The following RBFOX2 variants were observed in gnomAD, a reference collection of about 807,000 sequenced individuals.
RBFOX2 encodes RNA binding fox-1 homolog 2.
In RBFOX2, 10 loss-of-function variants were observed where a neutral mutation model predicts 49.1. The observed-to-expected ratio is 0.20, with a 90% confidence interval of 0.13 to 0.35. The LOEUF is 0.35. Among genes scored for constraint, RBFOX2 ranks in the 10% least tolerant of loss-of-function variants. The pLI is 1.00. For synonymous variants in RBFOX2, 183 were observed against 187.4 expected, an observed-to-expected ratio of 0.98 and a Z score of 0.19; for missense variants, 323 against 486.9, an observed-to-expected ratio of 0.66 and a Z score of 3.17.
At chr22:35,945,712 C>G (rs988625199) in intron 1 of RBFOX2, among the ~76,000 whole-genome samples, 1 of 152,144 alleles carries the variant, frequency 6.6e-6, no homozygotes, top group Non-Finnish European at 1.5e-5. Context: ...GCTGGGATTA[C>G]GGGAATAAGC....
In RBFOX2 at chr22:35,869,914, C is replaced by T. The variant is rs113540095; in HGVS notation, c.-33-59910G>A. On this transcript the variant is annotated intron_variant, in intron 1 of 13. Coordinates refer to the RBFOX2 transcript ENST00000359369. ...AAACTTTCATCAACCCAGAATAGCA[C>T]GTACAACCTACTTTCTGAAATGTTT... 4.8e-3 allele frequency among the ~76,000 whole-genome samples: 724 copies of T among 152,260 alleles called. 4 individuals carry two copies. The highest frequency in any genetic ancestry group is 0.016 in the African/African-American group (681 of 41,540).
chr22:35,943,943 T>G lies in RBFOX2; in HGVS notation c.43-5046A>C, dbSNP rs568239343. ...CTGCCAATGGACTGTGAATGTACAG[T>G]GGATACAGACAGAAGTGATACACAG... On this transcript the variant is annotated intron_variant, in intron 1 of 5. Coordinates refer to the RBFOX2 transcript ENST00000408983. Among the ~76,000 whole-genome samples, 15 of 152,362 alleles carry G rather than the reference T, an allele frequency of 9.8e-5. No individual in the cohort carries two copies. The South Asian group carries it at 2.3e-3, about 23-fold the overall frequency.
At chr22:35,895,096 C>T (rs2047682920) in intron 1 of RBFOX2, among the ~76,000 whole-genome samples, 1 of 150,996 alleles carries the variant, frequency 6.6e-6, no homozygotes, top group African/African-American at 2.4e-5. Context: ...CTCTCTCTTT[C>T]TCTCTCTCTC....
chr22:35,871,493 T>G (rs939123281), intron 1 of RBFOX2, among the ~76,000 whole-genome samples: 1 of 152,178 alleles, frequency 6.6e-6, no homozygotes, highest in African/African-American at 2.4e-5. Context: ...AGGTAGAAAC[T>G]GGGAAAAGAC....
upstream of RBFOX2, among the ~76,000 whole-genome samples, chr22:35,845,295 C>G (rs149601911): frequency 4.6e-5 from 7 of 152,118 alleles, no homozygotes; most frequent in East Asian, 1.4e-3. Context: ...CAACATTCCC[C>G]TTAACATAAA....
Position 35,785,270 on chromosome 22 carries a change from A to G in RBFOX2, c.253-3524T>C, listed in dbSNP as rs144213085. On this transcript the variant is annotated intron_variant, in intron 2 of 11. Coordinates refer to ENST00000405409, the Ensembl canonical transcript of RBFOX2. ...AAAAGTTATGTTGAGAAAATTTTTG[A>G]TAAGTATCTAACAGGTGTGACACAT... 9.8e-5 allele frequency among the ~76,000 whole-genome samples: 15 copies of G among 152,358 alleles called. No individual in the cohort carries two copies. In the East Asian group the frequency reaches 1.3e-3, roughly 14 times the overall value.
At chr22:35,928,190 T>C (rs1367152544) in intron 1 of RBFOX2, among the ~76,000 whole-genome samples, 1 of 152,120 alleles carries the variant, frequency 6.6e-6, no homozygotes, top group Admixed American at 6.6e-5. Context: ...AACAGCAGGA[T>C]TGATATTTAA....
At position 35,805,289 on chromosome 22, in the gene RBFOX2, C is replaced by CAA. The variant is rs748086413; in HGVS notation, c.252+4489_252+4490dup. Among the ~76,000 whole-genome samples, 141 of 37,184 alleles carry CAA rather than the reference C, an allele frequency of 3.8e-3. 1 individual carries two copies. Among genetic ancestry groups the CAA allele is most frequent in the East Asian group, 6.1e-3 (8 of 1,306 alleles). 24.4% of individuals were successfully genotyped at this position (37,184 alleles called of 152,430 possible). On this transcript the variant is annotated intron_variant, in intron 2 of 11. Coordinates refer to ENST00000405409, the Ensembl canonical transcript of RBFOX2. ...TGGGCGACAGAGCGAGACTCCGTCT[C>CAA]AAAAAAAAAAAAAAAAAAAAAAAAG...
chr22:36,008,867 T>C (rs904618223), intron 1 of RBFOX2, among the ~76,000 whole-genome samples: 2 of 152,080 alleles, frequency 1.3e-5, no homozygotes, highest in African/African-American at 4.8e-5. Flanking sequence ...TAGTTAAGTA[T>C]TGTCCTACCT....
At chr22:35,773,481 C>T (rs1943185022) in intron 4 of RBFOX2, among the ~76,000 whole-genome samples, 1 of 151,876 alleles carries the variant, frequency 6.6e-6, no homozygotes, top group Non-Finnish European at 1.5e-5. Flanking sequence ...GATGGCTATC[C>T]CAATTACTCT....
intron 1 of RBFOX2, among the ~76,000 whole-genome samples, chr22:35,907,454 G>A (rs1031169514): frequency 1.3e-5 from 2 of 152,132 alleles, no homozygotes; most frequent in African/African-American, 4.8e-5. Flanking sequence ...CAGCAGTAAG[G>A]ATCTTAGATC....
intron 1 of RBFOX2, among the ~76,000 whole-genome samples, chr22:35,968,220 C>G (rs2056674921): frequency 6.6e-6 from 1 of 152,076 alleles, no homozygotes; most frequent in Non-Finnish European, 1.5e-5. Flanking sequence ...AAGGTCAATC[C>G]AGGATGAAAA....
upstream of RBFOX2, chr22:35,938,943 A>C: frequency 7.9e-6 from 12 of 1,512,108 alleles, no homozygotes; most frequent in East Asian, 2.3e-5. Context: ...ATGAAAGAAA[A>C]TGTTAGGCAT....
chr22:35,843,341 C>A (rs2040753334), upstream of RBFOX2, among the ~76,000 whole-genome samples: 1 of 152,108 alleles, frequency 6.6e-6, no homozygotes. Flanking sequence ...ATGGACAAAT[C>A]CCCAGCTTTC....
At chr22:35,934,797 A>C (rs1002128167) in intron 1 of RBFOX2, among the ~76,000 whole-genome samples, 4 of 152,222 alleles carry the variant, frequency 2.6e-5, no homozygotes, top group African/African-American at 9.6e-5. Flanking sequence ...CCACTTTAAA[A>C]ATACTGCAAA....
At chr22:35,865,112 CTG>C (rs1260770006) in intron 1 of RBFOX2, among the ~76,000 whole-genome samples, 1 of 152,140 alleles carries the variant, frequency 6.6e-6, no homozygotes, top group African/African-American at 2.4e-5. Flanking sequence ...GGAAAAATAA[CTG>C]TATGAATATA....
At chr22:35,889,753 T>C (rs1412121460) in intron 1 of RBFOX2, among the ~76,000 whole-genome samples, 1 of 152,214 alleles carries the variant, frequency 6.6e-6, no homozygotes, top group Non-Finnish European at 1.5e-5. Flanking sequence ...GTCTACATTT[T>C]GTGATAATTC....
intron 9 of RBFOX2, among the ~76,000 whole-genome samples, chr22:35,756,644 T>C (rs1248134660): frequency 6.6e-6 from 1 of 152,134 alleles, no homozygotes; most frequent in Admixed American, 6.5e-5. Context: ...TTACATTACG[T>C]TTAAGTATTT....
chr22:35,825,419 A>AT (rs1350957663), intron 1 of RBFOX2, among the ~76,000 whole-genome samples: 5 of 151,210 alleles, frequency 3.3e-5, no homozygotes, highest in Non-Finnish European at 7.4e-5. Flanking sequence ...ATAAATTTTG[A>AT]CTAAGTGAAA....
Sources: allele counts gnomAD v4.1 joint callset (sites outside exome capture counted in the v4.1 genomes callset), GRCh38; gene constraint gnomAD v4.1.1; transcripts MANE v1.5; gene names NCBI Gene and HGNC (gene_info 2026-07-23, HGNC 2026-07-21).